The following CAMTA1 variants were observed in gnomAD, a reference collection of about 807,000 sequenced individuals.
The protein encoded by CAMTA1 is calmodulin-binding transcription activator 1.
CAMTA1 carries 27 observed loss-of-function variants against 170.9 expected under a neutral mutation model. That is an observed-to-expected ratio of 0.16 (90% CI 0.12 to 0.22). The LOEUF (loss-of-function observed/expected upper bound fraction) is 0.22. CAMTA1 is among the 10% of genes least tolerant of loss of function. CAMTA1 has a pLI of 1.00. For synonymous variants in CAMTA1, 833 were observed against 891.5 expected (o/e 0.93, Z 1.17); for missense variants, 1,619 against 2,217.2 (o/e 0.73, Z 5.42).
chr1:7,738,100 T>C lies in CAMTA1; in HGVS notation c.3800T>C (p.Leu1267Pro). Residue 1267 changes from leucine to proline, a missense_variant, in exon 16 of 23, where the codon CTG becomes CCG. Leu to Pro is a moderately conservative substitution (Grantham distance 98). Transcript: ENST00000303635. The surrounding 1 kb of genome is among the most constrained non-coding windows in gnomAD (Gnocchi z 4.9). ...AAGCTGCTTCCCACTGCACTGAGTC[T>C]GGAAGAGCCAAATATCAGGAAGCAA... ...QEKLLPTALS[L>P]EEPNIRKQSP... is the part of the protein sequence containing the mutation. 6.2e-7 allele frequency: 1 copy of C among 1,614,166 alleles called. No individual in the cohort carries two copies. Among genetic ancestry groups the C allele is most frequent in the Non-Finnish European group, 8.5e-7 (1 of 1,180,016 alleles).
At chr1:7,644,178 C>T (rs1471868817) in intron 7 of CAMTA1, among the ~76,000 whole-genome samples, 2 of 152,086 alleles carry the variant, frequency 1.3e-5, no homozygotes, top group South Asian at 2.1e-4. Context: ...ATGGGGGCTC[C>T]GTGACCTTAT....
chr1:6,968,678 G>A (rs1401944097), intron 3 of CAMTA1, among the ~76,000 whole-genome samples: 2 of 152,062 alleles, frequency 1.3e-5, no homozygotes, highest in African/African-American at 2.4e-5. Flanking sequence ...CGGTGGGTCA[G>A]GAAATTCTAC....
At chr1:7,090,954 A>G (rs1017487151) in intron 3 of CAMTA1, among the ~76,000 whole-genome samples, 2 of 152,208 alleles carry the variant, frequency 1.3e-5, no homozygotes, top group African/African-American at 4.8e-5. Flanking sequence ...ATGGTCTCGC[A>G]TCGTGGAGAA....
intron 4 of CAMTA1, among the ~76,000 whole-genome samples, chr1:7,128,965 G>A (rs1645093455): frequency 6.7e-6 from 1 of 150,058 alleles, no homozygotes; most frequent in Non-Finnish European, 1.5e-5. Context: ...TCAGCCTCCC[G>A]AGTAGCTGGG....
At position 6,871,905 on chromosome 1, in the gene CAMTA1, A is replaced by G. The variant is rs964731435; in HGVS notation, c.234+46695A>G. 2.2e-6 allele frequency: 3 copies of G among 1,375,060 alleles called. No homozygotes were observed. The African/African-American group carries it at 4.5e-5, about 21-fold the overall frequency. 85.2% of individuals were successfully genotyped at this position (1,375,060 alleles called of 1,614,324 possible). ...TTTGGTGTACAAGCTGTAACATTTC[A>G]TCTTTCAAAGTGTAACACGCTGATT... On this transcript the variant is annotated intron_variant, in intron 3 of 22. Coordinates refer to ENST00000303635, the MANE Select transcript of CAMTA1 (RefSeq NM_015215.4).
intron 5 of CAMTA1, among the ~76,000 whole-genome samples, chr1:7,444,024 G>A (rs2149424345): frequency 6.6e-6 from 1 of 152,238 alleles, no homozygotes; most frequent in East Asian, 1.9e-4. Flanking sequence ...GTTTGCGGAG[G>A]GTGGGAGCTG....
At chr1:7,606,337 GTTC>G (rs2095486410) in intron 6 of CAMTA1, among the ~76,000 whole-genome samples, 1 of 152,174 alleles carries the variant, frequency 6.6e-6, no homozygotes, top group Non-Finnish European at 1.5e-5. Context: ...CTGGGAAGTG[GTTC>G]ATTTAAGATG....
chr1:7,107,782 C>T (rs1028463924), intron 4 of CAMTA1, among the ~76,000 whole-genome samples: 5 of 152,114 alleles, frequency 3.3e-5, no homozygotes, highest in South Asian at 2.1e-4. Flanking sequence ...ATGGGCACTG[C>T]GAGGCTAGAG....
intron 6 of CAMTA1, among the ~76,000 whole-genome samples, chr1:7,548,382 C>A (rs574087225): frequency 6.6e-6 from 1 of 151,602 alleles, no homozygotes; most frequent in East Asian, 2.0e-4. Context: ...ATGGAGGTGC[C>A]CATGGAGGGC....
intron 4 of CAMTA1, among the ~76,000 whole-genome samples, chr1:7,221,556 T>C (rs913401697): frequency 1.3e-5 from 2 of 152,122 alleles, no homozygotes; most frequent in African/African-American, 2.4e-5. Flanking sequence ...GATTCTTCTT[T>C]ATATGGTACC....
At chr1:7,169,929 C>G (rs935340568) in intron 4 of CAMTA1, among the ~76,000 whole-genome samples, 3 of 152,134 alleles carry the variant, frequency 2.0e-5, no homozygotes, top group African/African-American at 4.8e-5. Context: ...CAATATTATC[C>G]TTTTTAATCA....
intron 3 of CAMTA1, among the ~76,000 whole-genome samples, chr1:6,877,128 A>G (rs1159395564): frequency 6.6e-6 from 1 of 152,220 alleles, no homozygotes; most frequent in East Asian, 1.9e-4. Context: ...GTGACCGCAT[A>G]GCTGCTGCGA....
chr1:6,901,960 G>C (rs1257099547), intron 3 of CAMTA1, among the ~76,000 whole-genome samples: 1 of 150,534 alleles, frequency 6.6e-6, no homozygotes, highest in Non-Finnish European at 1.5e-5. Context: ...CAGGAGAATA[G>C]TTTGAACCCA....
In CAMTA1 at chr1:7,607,399, GTGGA is replaced by G. The variant is rs146308752; in HGVS notation, c.511-32978_511-32975del. ...GATGGATGGGTGAATAGGTGGACTG[GTGGA>G]TGGATGGATGGATGGATGGATGTGT... On this transcript the variant is annotated intron_variant, in intron 6 of 22. Transcript: ENST00000303635. 6.3e-4 allele frequency among the ~76,000 whole-genome samples: 91 copies of G among 144,316 alleles called. 1 individual carries two copies. Among genetic ancestry groups the G allele is most frequent in the Middle Eastern group, 3.8e-3 (1 of 264 alleles). 94.7% of individuals were successfully genotyped at this position (144,316 alleles called of 152,430 possible). A position where few individuals can be genotyped will look rare whatever the true frequency, so the allele number is the denominator to read the frequency against.
intron 3 of CAMTA1, among the ~76,000 whole-genome samples, chr1:7,035,700 C>G (rs761507590): frequency 1.3e-5 from 2 of 152,142 alleles, no homozygotes; most frequent in Non-Finnish European, 1.5e-5. Context: ...TAAGGATGCC[C>G]GAAGGGTCTG....
At chr1:7,124,187 G>A (rs1644801661) in intron 4 of CAMTA1, among the ~76,000 whole-genome samples, 1 of 152,112 alleles carries the variant, frequency 6.6e-6, no homozygotes, top group Non-Finnish European at 1.5e-5. Context: ...TCTGCCCTTG[G>A]CAACAAGCTG....
chr1:7,445,494 C>T (rs1454295293), intron 5 of CAMTA1, among the ~76,000 whole-genome samples: 2 of 152,028 alleles, frequency 1.3e-5, no homozygotes, highest in East Asian at 2.0e-4. Flanking sequence ...CCACAGGGAA[C>T]GAATGCCCAG....
chr1:7,486,981 A>G (rs2093626815), intron 6 of CAMTA1, among the ~76,000 whole-genome samples: 1 of 152,018 alleles, frequency 6.6e-6, no homozygotes, highest in Non-Finnish European at 1.5e-5. Flanking sequence ...CCTCACCTGT[A>G]CAACAGAAAT....
chr1:7,389,777 G>C (rs1262167436), intron 5 of CAMTA1: 1 of 153,050 alleles, frequency 6.5e-6, no homozygotes, highest in African/African-American at 2.4e-5. Context: ...GTCCCCAGAG[G>C]AGTGTGGTGA....
Sources: gnomAD v4.1 joint callset for allele counts (sites outside exome capture counted in the v4.1 genomes callset) on GRCh38, gnomAD v4.1.1 for gene constraint, Gnocchi (gnomAD v3.1) non-coding constraint, MANE v1.5 for transcripts, NCBI Gene and HGNC (gene_info 2026-07-23, HGNC 2026-07-21) for gene names.